The following RSPO2 variants were observed in gnomAD, a reference collection of about 807,000 sequenced individuals.
The protein encoded by RSPO2 is R-spondin-2.
Under a neutral mutation model 30.9 loss-of-function variants are expected in RSPO2, and 14 were observed. That is an observed-to-expected ratio of 0.45 (90% CI 0.30 to 0.71). The LOEUF (loss-of-function observed/expected upper bound fraction) is 0.71, where lower values mean the gene tolerates loss of function less well. RSPO2 is among the 30% of genes least tolerant of loss of function. The pLI is 0.08. For synonymous variants in RSPO2, 107 were observed against 96.4 expected, an observed-to-expected ratio of 1.11 and a Z score of -0.64; for missense variants, 264 against 301.9, an observed-to-expected ratio of 0.87 and a Z score of 0.93.
intron 2 of RSPO2, among the ~76,000 whole-genome samples, chr8:108,041,944 A>G (rs1394702516): frequency 6.6e-6 from 1 of 152,176 alleles, no homozygotes. Flanking sequence ...TGGGTCTACC[A>G]ATATCTAACA....
intron 5 of RSPO2, among the ~76,000 whole-genome samples, chr8:107,945,177 T>C (rs542831035): frequency 2.6e-5 from 4 of 151,778 alleles, no homozygotes; most frequent in South Asian, 2.1e-4. Context: ...GGCCAATCTA[T>C]GAGATTCAAT....
intron 2 of RSPO2, among the ~76,000 whole-genome samples, chr8:108,002,114 A>G (rs1815271194): frequency 6.6e-6 from 1 of 152,204 alleles, no homozygotes; most frequent in Non-Finnish European, 1.5e-5. Context: ...TGTGTTGTAC[A>G]GATTACTTAT....
At chr8:108,013,238 T>C (rs779542759) in intron 2 of RSPO2, among the ~76,000 whole-genome samples, 1 of 151,636 alleles carries the variant, frequency 6.6e-6, no homozygotes, top group Non-Finnish European at 1.5e-5. Flanking sequence ...CTCATGTTTA[T>C]AGATTTGCTC....
chr8:107,997,984 T>C (rs919062964), intron 2 of RSPO2, among the ~76,000 whole-genome samples: 1 of 152,216 alleles, frequency 6.6e-6, no homozygotes, highest in Non-Finnish European at 1.5e-5. Context: ...GCATCCATCC[T>C]GACAAAGGTA....
chr8:108,017,551 A>G (rs1810932246), intron 2 of RSPO2, among the ~76,000 whole-genome samples: 1 of 152,160 alleles, frequency 6.6e-6, no homozygotes. Context: ...GGAGCAATAA[A>G]AGCATGTTAT....
intron 5 of RSPO2, among the ~76,000 whole-genome samples, chr8:107,914,388 A>G (rs1033857339): frequency 6.6e-6 from 1 of 152,220 alleles, no homozygotes; most frequent in Middle Eastern, 3.4e-3. Flanking sequence ...GAAAATAATC[A>G]TAGGTACTTT....
At position 107,900,055 on chromosome 8, in the gene RSPO2, T is replaced by C. The variant is rs1811394813; in HGVS notation, c.*1020A>G. ...AAAAATTGCAGTCAGAAATAATGTT[T>C]GTTTGGACAATTCTGTAGCTGGCCT... is the stretch of plus-strand genomic sequence containing the variant. On this transcript the variant is annotated 3_prime_UTR_variant, in exon 6 of 6. Coordinates refer to ENST00000276659, the MANE Select transcript of RSPO2 (RefSeq NM_178565.5). 1 of 152,174 alleles carries C rather than the reference T, an allele frequency of 6.6e-6. No individual in the cohort carries two copies. The allele number at this position is 152,174 out of a possible 1,614,324, so 9.4% of individuals were successfully genotyped here. A position where few individuals can be genotyped will look rare whatever the true frequency, so the allele number is the denominator to read the frequency against.
intron 5 of RSPO2, among the ~76,000 whole-genome samples, chr8:107,911,145 C>A (rs970610539): frequency 1.1e-4 from 16 of 152,166 alleles, no homozygotes; most frequent in African/African-American, 3.4e-4. Flanking sequence ...CAGCTTTGTA[C>A]ATGGTCTATG....
chr8:107,957,966 A>G, intron 5 of RSPO2, 114 bp downstream of exon 5: 1 of 715,646 alleles, frequency 1.4e-6, no homozygotes, highest in Non-Finnish European at 2.3e-6. Context: ...CCCCTCACCA[A>G]TATTATTGGG....
intron 5 of RSPO2, among the ~76,000 whole-genome samples, chr8:107,917,513 C>A (rs1812019806): frequency 6.6e-6 from 1 of 152,060 alleles, no homozygotes; most frequent in Non-Finnish European, 1.5e-5. Flanking sequence ...AATCTGTGAT[C>A]CTATTTTGTG....
At chr8:108,012,812 G>A (rs1359947024) in intron 2 of RSPO2, among the ~76,000 whole-genome samples, 1 of 152,178 alleles carries the variant, frequency 6.6e-6, no homozygotes, top group African/African-American at 2.4e-5. Flanking sequence ...CTACATAAAT[G>A]AGAATTAACA....
chr8:108,048,386 G>T (rs1378833690), intron 2 of RSPO2, among the ~76,000 whole-genome samples: 1 of 151,406 alleles, frequency 6.6e-6, no homozygotes, highest in African/African-American at 2.4e-5. Flanking sequence ...ATAGAACAAA[G>T]TCACAAAGTA....
rs113572654 is a variant in RSPO2, at chr8:107,934,934, T to C, written c.616+23146A>G. On this transcript the variant is annotated intron_variant, in intron 5 of 5. Coordinates refer to ENST00000276659, the MANE Select transcript of RSPO2 (RefSeq NM_178565.5). Reference sequence around the variant, plus strand: ...ATCATCTTCATAAGCTGAGGATGTATGTTGCCTCAGAACCCTGTGATGATT... The same window carrying C: ...ATCATCTTCATAAGCTGAGGATGTACGTTGCCTCAGAACCCTGTGATGATT... Among the ~76,000 whole-genome samples the C allele has an allele frequency of 7.5e-3, 1,138 of 152,314 alleles. 11 individuals carry two copies. The highest frequency in any genetic ancestry group is 0.025 in the African/African-American group (1,022 of 41,562).
intron 5 of RSPO2, among the ~76,000 whole-genome samples, chr8:107,906,090 A>C (rs772777802): frequency 2.0e-5 from 3 of 152,028 alleles, no homozygotes; most frequent in Non-Finnish European, 4.4e-5. Context: ...TGAGAATATA[A>C]AATTGATACA....
chr8:108,076,835 G>A (rs1813029078), intron 2 of RSPO2, among the ~76,000 whole-genome samples: 2 of 152,204 alleles, frequency 1.3e-5, no homozygotes, highest in Non-Finnish European at 2.9e-5. Context: ...GAGAAACAGG[G>A]ACGGGTAAAA....
At chr8:107,984,102 C>A in intron 3 of RSPO2, 2 of 468,594 alleles carry the variant, frequency 4.3e-6, no homozygotes, top group Non-Finnish European at 3.8e-6. Context: ...GGAGCAGAGG[C>A]ATTGCCAGGA....
chr8:107,920,405 A>G (rs1812121411), intron 5 of RSPO2, among the ~76,000 whole-genome samples: 3 of 152,096 alleles, frequency 2.0e-5, no homozygotes, highest in South Asian at 4.1e-4. Flanking sequence ...AAAGGTTTCT[A>G]TAATGCCAAC....
chr8:107,902,510 C>G (rs16876918), intron 5 of RSPO2, among the ~76,000 whole-genome samples: 13,457 of 152,018 alleles, frequency 0.089, 783 homozygotes, highest in East Asian at 0.16. Context: ...GAGAAGGAGG[C>G]TGATGTCAAA....
At chr8:107,966,386 G>T (rs1481164938) in intron 3 of RSPO2, among the ~76,000 whole-genome samples, 1 of 152,050 alleles carries the variant, frequency 6.6e-6, no homozygotes, top group Non-Finnish European at 1.5e-5. Context: ...TCCACTGAGG[G>T]GAAAGCTCTA....
Sources: allele counts gnomAD v4.1 joint callset (sites outside exome capture counted in the v4.1 genomes callset), GRCh38; gene constraint gnomAD v4.1.1; transcripts MANE v1.5; gene names NCBI Gene and HGNC (gene_info 2026-07-23, HGNC 2026-07-21).